The following MPRIP variants were observed in gnomAD, a reference collection of about 807,000 sequenced individuals.
MPRIP encodes myosin phosphatase Rho interacting protein.
A neutral mutation model predicts 234.9 loss-of-function variants in MPRIP; 59 were observed. The ratio of observed to expected loss-of-function variants is 0.25; its 90% CI spans 0.20 to 0.31. The LOEUF (loss-of-function observed/expected upper bound fraction) is 0.31, where lower values mean the gene tolerates loss of function less well. Among genes scored for constraint, MPRIP ranks in the 10% least tolerant of loss-of-function variants. MPRIP has a pLI of 1.00. For missense variants in MPRIP, 2,436 were observed against 3,071.0 expected (o/e 0.79, Z 4.89); for synonymous variants, 1,144 against 1,263.9 (o/e 0.91, Z 2.01).
In MPRIP at chr17:17,164,394, C is replaced by T. The variant is rs1347708547; in HGVS notation, c.2803C>T (p.Arg935Cys). The change falls in exon 16 of 24, where the codon CGC (arginine) becomes TGC (cysteine). Residue 935 changes from arginine to cysteine, a missense_variant. Coordinates refer to ENST00000651222, the MANE Select transcript of MPRIP (RefSeq NM_001364716.4). Reference sequence around the variant, plus strand: ...CCTGAAGCGGGAGCAGGGCCGGGTCCGCGAGCAGCTGGAGGAGCGGCAACA... The same window carrying T: ...CCTGAAGCGGGAGCAGGGCCGGGTCTGCGAGCAGCTGGAGGAGCGGCAACA... ...GDLKREQGRVREQLEERQHSE... is the reference protein window; with the variant it reads ...GDLKREQGRVCEQLEERQHSE... The T allele has an allele frequency of 1.3e-5, 17 of 1,288,918 alleles. No homozygotes were observed. Among genetic ancestry groups the T allele is most frequent in the South Asian group, 5.0e-5 (4 of 80,720 alleles). The allele number at this position is 1,288,918 out of a possible 1,614,324, so 79.8% of individuals were successfully genotyped here.
intron 16 of MPRIP, chr17:17,171,285 T>G (rs2046127982): frequency 6.1e-6 from 1 of 164,514 alleles, no homozygotes; most frequent in African/African-American, 2.4e-5. Flanking sequence ...CATCCCTGTT[T>G]TACGGGCCTT....
At chr17:17,184,157 C>T (rs2046427975) in intron 23 of MPRIP, among the ~76,000 whole-genome samples, 1 of 152,244 alleles carries the variant, frequency 6.6e-6, no homozygotes, top group Non-Finnish European at 1.5e-5. Context: ...AGTAAGATCT[C>T]ATTCATCTCT....
intron 3 of MPRIP, among the ~76,000 whole-genome samples, 165 bp from the exon 4 acceptor site, chr17:17,126,537 T>C (rs1274821336): frequency 2.0e-5 from 3 of 152,184 alleles, no homozygotes; most frequent in Non-Finnish European, 2.9e-5. Context: ...GGCCTGTCCC[T>C]GTCCTCCCTG....
chr17:17,184,496 G>A (rs1393322670), intron 23 of MPRIP, among the ~76,000 whole-genome samples: 3 of 152,324 alleles, frequency 2.0e-5, no homozygotes, highest in Admixed American at 2.0e-4. Context: ...CAGTCTCCTT[G>A]CTCATTGCAC....
At chr17:17,122,294 C>G (rs1340601405) in intron 3 of MPRIP, among the ~76,000 whole-genome samples, 1 of 152,170 alleles carries the variant, frequency 6.6e-6, no homozygotes, top group African/African-American at 2.4e-5. Context: ...GTTCCTTTCT[C>G]TCCACAATCG....
intron 3 of MPRIP, among the ~76,000 whole-genome samples, chr17:17,110,234 G>A (rs562126277): frequency 6.6e-6 from 1 of 152,202 alleles, no homozygotes. Flanking sequence ...CCTGAGTAGA[G>A]CAGCACAAGG....
intron 4 of MPRIP, among the ~76,000 whole-genome samples, chr17:17,129,580 C>G (rs563858718): frequency 6.6e-6 from 1 of 152,336 alleles, no homozygotes; most frequent in South Asian, 2.1e-4. Flanking sequence ...ACATGAGACA[C>G]CTGCTGTCCT....
intron 7 of MPRIP, among the ~76,000 whole-genome samples, chr17:17,141,219 T>C (rs751948084): frequency 6.6e-6 from 1 of 152,198 alleles, no homozygotes; most frequent in Non-Finnish European, 1.5e-5. Flanking sequence ...ATCCTGGAAG[T>C]GGCCTGTTGG....
chr17:17,082,754 C>T (rs891999957), intron 3 of MPRIP, among the ~76,000 whole-genome samples: 3 of 152,198 alleles, frequency 2.0e-5, no homozygotes, highest in Non-Finnish European at 2.9e-5. Flanking sequence ...CTGAACTGTG[C>T]ACCCATTGAA....
At chr17:17,085,114 T>A (rs1414517684) in intron 3 of MPRIP, among the ~76,000 whole-genome samples, 4 of 152,192 alleles carry the variant, frequency 2.6e-5, no homozygotes, top group African/African-American at 9.7e-5. Context: ...AGGCAGGTCC[T>A]GTTGTGTGGT....
At chr17:17,077,987 C>A (rs1222102952) in intron 2 of MPRIP, 24 bp from the exon 3 acceptor site, 1 of 1,613,860 alleles carries the variant, frequency 6.2e-7, no homozygotes, top group Non-Finnish European at 8.5e-7. Context: ...TCCTCCTAAC[C>A]ACCCACCTTG....
rs543989175 is a variant in MPRIP at position 17,137,388 on chromosome 17, C to T, written c.737-528C>T. On this transcript the variant is annotated intron_variant, in intron 6 of 23. Transcript: ENST00000651222. ...AATTAGCCAGATGTGGGGGTGCACA[C>T]CTGTAGTCCTAGCTACTTGGGAGGC... Among the ~76,000 whole-genome samples, 19 of 152,206 alleles carry T rather than the reference C, an allele frequency of 1.2e-4. No individual in the cohort carries two copies. The South Asian group carries it at 2.1e-3, about 17-fold the overall frequency.
intron 3 of MPRIP, among the ~76,000 whole-genome samples, chr17:17,088,618 C>A (rs888143055): frequency 5.9e-5 from 9 of 152,152 alleles, no homozygotes; most frequent in African/African-American, 2.2e-4. Context: ...TGCAAAGTCC[C>A]CCAGGGGCAC....
At chr17:17,139,736 G>A (rs754001675) in intron 7 of MPRIP, among the ~76,000 whole-genome samples, 2 of 152,228 alleles carry the variant, frequency 1.3e-5, no homozygotes, top group Non-Finnish European at 2.9e-5. Flanking sequence ...GAGCCTGCAG[G>A]TTAGTCTCCA....
At chr17:17,154,241 G>A (rs2045676270) in intron 12 of MPRIP, 65 bp from the exon 13 acceptor site, 1 of 1,408,874 alleles carries the variant, frequency 7.1e-7, no homozygotes, top group Non-Finnish European at 1.0e-6. Context: ...GAGCTTCTTT[G>A]GAGATGGAGG....
intron 1 of MPRIP, among the ~76,000 whole-genome samples, chr17:17,063,871 G>A (rs188293482): frequency 3.9e-5 from 6 of 152,358 alleles, no homozygotes; most frequent in African/African-American, 4.8e-5. Context: ...ACTGGGTATA[G>A]TAGGCTGAGA....
At chr17:17,154,731 C>T (rs1413680813) in intron 13 of MPRIP, among the ~76,000 whole-genome samples, 4 of 152,260 alleles carry the variant, frequency 2.6e-5, no homozygotes, top group Non-Finnish European at 5.9e-5. Flanking sequence ...GCCTGAGCCC[C>T]GCAGTCGGTG....
intron 1 of MPRIP, among the ~76,000 whole-genome samples, chr17:17,053,519 G>A (rs982933356): frequency 1.3e-5 from 2 of 152,178 alleles, no homozygotes; most frequent in African/African-American, 2.4e-5. Flanking sequence ...TGTGGGACAC[G>A]GATCTTGCCC....
chr17:17,086,057 T>C (rs2089583923), intron 3 of MPRIP, among the ~76,000 whole-genome samples: 1 of 152,232 alleles, frequency 6.6e-6, no homozygotes. Context: ...TCCAAATGAA[T>C]AAATTTATTT....
Sources: allele counts gnomAD v4.1 joint callset (sites outside exome capture counted in the v4.1 genomes callset), GRCh38; gene constraint gnomAD v4.1.1; transcripts MANE v1.5; gene names NCBI Gene and HGNC (gene_info 2026-07-23, HGNC 2026-07-21).